Variants in PIGS observed in about 807,000 individuals in gnomAD.
The protein encoded by PIGS is GPI-anchor transamidase component PIGS.
A neutral mutation model predicts 58.2 loss-of-function variants in PIGS; 37 were observed. The ratio of observed to expected loss-of-function variants is 0.64; its 90% CI spans 0.49 to 0.84. PIGS has a LOEUF of 0.84. PIGS is among the 40% of genes least tolerant of loss of function. PIGS has a pLI of 0.00. For missense variants in PIGS, 629 were observed against 710.8 expected, an observed-to-expected ratio of 0.88 and a Z score of 1.31; for synonymous variants, 269 against 289.2, an observed-to-expected ratio of 0.93 and a Z score of 0.71.
chr17:28,563,600 A>AC (rs1182816526), intron 4 of PIGS, 78 bp from the exon 5 acceptor site: 1 of 1,377,174 alleles, frequency 7.3e-7, no homozygotes, highest in Non-Finnish European at 1.0e-6. Flanking sequence ...TGCCTAACCC[A>AC]CCCCTTCACT....
intron 3 of PIGS, among the ~76,000 whole-genome samples, chr17:28,569,024 G>C (rs946013140): frequency 6.6e-6 from 1 of 151,050 alleles, no homozygotes; most frequent in Non-Finnish European, 1.5e-5. Context: ...TTGAACCCAG[G>C]AGGCAGAGGT....
chr17:28,559,354 G>T (rs2151512481), intron 7 of PIGS, among the ~76,000 whole-genome samples: 1 of 151,974 alleles, frequency 6.6e-6, no homozygotes, highest in Middle Eastern at 3.4e-3. Flanking sequence ...GAATGGCTCT[G>T]CTGGGCTCCA....
At chr17:28,562,908 C>T (rs1052067274) in intron 5 of PIGS, among the ~76,000 whole-genome samples, 6 of 152,050 alleles carry the variant, frequency 3.9e-5, no homozygotes, top group African/African-American at 1.2e-4. Context: ...GCCATGTTGC[C>T]CAGGCTGGTC....
rs1455049116 is a variant in PIGS at position 28,553,449 on chromosome 17, C to A, written c.*771G>T. 1 of 152,616 alleles carries A rather than the reference C, an allele frequency of 6.6e-6. No individual in the cohort carries two copies. Among genetic ancestry groups the A allele is most frequent in the East Asian group, 1.9e-4 (1 of 5,206 alleles). The allele number at this position is 152,616 out of a possible 1,614,324, so 9.5% of individuals were successfully genotyped here. On this transcript the variant is annotated 3_prime_UTR_variant, in exon 12 of 12. Coordinates refer to ENST00000308360, the MANE Select transcript of PIGS (RefSeq NM_033198.4). ...AGCCTACTACACGCCAGACACTTTA[C>A]ATGCTGATCACATTTACTCCTCACA...
chr17:28,569,755 T>C (rs2070416286), intron 3 of PIGS, among the ~76,000 whole-genome samples: 1 of 152,234 alleles, frequency 6.6e-6, no homozygotes, highest in Non-Finnish European at 1.5e-5. Context: ...TCTTACTAGC[T>C]GTGTGACCTT....
chr17:28,565,170 CTA>C (rs113607865), intron 3 of PIGS, among the ~76,000 whole-genome samples: 3 of 152,130 alleles, frequency 2.0e-5, no homozygotes, highest in South Asian at 2.1e-4. Flanking sequence ...AATAAGATGA[CTA>C]GATACAAGGA....
Position 28,571,219 on chromosome 17 carries a change from G to A in PIGS, c.35-31C>T. On this transcript the variant is annotated intron_variant, in intron 1 of 11. Transcript: ENST00000308360. ...GGCATGGGGAACCGACTGAGGCGCT[G>A]GAAACGGGCTAGGGTACCGGCCCCA... is the stretch of plus-strand genomic sequence containing the variant. 3.1e-6 allele frequency: 5 copies of A among 1,605,942 alleles called. No individual in the cohort carries two copies. The South Asian group carries it at 4.4e-5, about 14-fold the overall frequency.
At chr17:28,559,211 G>A (rs968487029) in intron 7 of PIGS, among the ~76,000 whole-genome samples, 4 of 151,906 alleles carry the variant, frequency 2.6e-5, no homozygotes, top group Admixed American at 1.3e-4. Context: ...TCCTAACCTC[G>A]TGATCCGCCT....
At chr17:28,564,266 G>A (rs377554308) in intron 3 of PIGS, among the ~76,000 whole-genome samples, 79 of 152,282 alleles carry the variant, frequency 5.2e-4, no homozygotes, top group African/African-American at 1.8e-3. Context: ...GAATGTTCCT[G>A]ATAAAAAACA....
chr17:28,561,373 C>T, intron 6 of PIGS, 49 bp downstream of exon 6: 1 of 1,590,940 alleles, frequency 6.3e-7, no homozygotes, highest in Non-Finnish European at 8.6e-7. Context: ...CCTCCTGCCC[C>T]ATGTAATTCA....
rs192084811 is a variant in PIGS at position 28,554,759 on chromosome 17, A to G, written c.1392+92T>C. On this transcript the variant is annotated intron_variant, in intron 11 of 11. Coordinates refer to ENST00000308360, the MANE Select transcript of PIGS (RefSeq NM_033198.4). ...TAAAGATGGCAAGCCCACACATACC[A>G]TGGACCTCACAGGCTCTCTGGTCTC... is the stretch of plus-strand genomic sequence containing the variant. 21 of 1,510,084 alleles carry G rather than the reference A, an allele frequency of 1.4e-5. No homozygotes were observed. In the East Asian group the frequency reaches 4.7e-4, roughly 34 times the overall value. 93.5% of individuals were successfully genotyped at this position (1,510,084 alleles called of 1,614,324 possible). A position where few individuals can be genotyped will look rare whatever the true frequency, so the allele number is the denominator to read the frequency against.
chr17:28,557,492 C>T (rs1377053317), intron 8 of PIGS: 1 of 158,948 alleles, frequency 6.3e-6, no homozygotes, highest in Admixed American at 6.5e-5. Context: ...AGCTCTCTCA[C>T]TTGTCTGCAT....
intron 10 of PIGS, 30 bp downstream of exon 10, chr17:28,556,136 T>C (rs764756829): frequency 3.8e-6 from 6 of 1,566,688 alleles, no homozygotes; most frequent in Admixed American, 3.3e-5. Context: ...AAGGAGACTA[T>C]GTCCCCAAGT....
In PIGS at chr17:28,558,376, T is replaced by C. The variant is rs937345785; in HGVS notation, c.934+100A>G. 7 of 943,788 alleles carry C rather than the reference T, an allele frequency of 7.4e-6. No homozygotes were observed. The African/African-American group carries it at 1.2e-4, about 16-fold the overall frequency. 58.5% of individuals were successfully genotyped at this position (943,788 alleles called of 1,614,324 possible). A position where few individuals can be genotyped will look rare whatever the true frequency, so the allele number is the denominator to read the frequency against. On this transcript the variant is annotated intron_variant, in intron 8 of 11. Transcript: ENST00000308360. ...CAACCCAACCTGGGAACCATCACTG[T>C]ATATAATCCACCTCCAACTCCTGTC...
rs749166460 is a variant in PIGS at position 28,554,935 on chromosome 17, G to A, written c.1308C>T (p.Ala436=). Residue 436 remains alanine (A), a synonymous_variant, in exon 11 of 12, where the codon GCC becomes GCT. Coordinates refer to ENST00000308360, the MANE Select transcript of PIGS (RefSeq NM_033198.4). ...LLWARSVENL[A]TATTTLTSLA... ...GGGAGGTAAGGGTGGTGGTGGCTGTGGCCAGGTTCTCCACTGACCGAGCCC... is the reference window on the plus strand; with the variant it reads ...GGGAGGTAAGGGTGGTGGTGGCTGTAGCCAGGTTCTCCACTGACCGAGCCC... The A allele has an allele frequency of 2.5e-6, 4 of 1,613,822 alleles. No homozygotes were observed. Among genetic ancestry groups the A allele is most frequent in the South Asian group, 1.1e-5 (1 of 91,028 alleles).
rs2070324140 is a variant in PIGS at position 28,555,927 on chromosome 17, C to T, written c.1181+239G>A. 1.5e-5 allele frequency: 6 copies of T among 412,152 alleles called. No individual in the cohort carries two copies. In the South Asian group the frequency reaches 1.7e-4, roughly 11 times the overall value. The allele number at this position is 412,152 out of a possible 1,614,324, so 25.5% of individuals were successfully genotyped here. On this transcript the variant is annotated intron_variant, in intron 10 of 11. Transcript: ENST00000308360. ...GAGGTTGCAGTGAGCCAAAATGGCA[C>T]CACTGCACTCCGGCCTGGGCAACAG...
At chr17:28,561,937 C>G (rs181619274) in intron 5 of PIGS, 219 of 301,246 alleles carry the variant, frequency 7.3e-4, no homozygotes, top group African/African-American at 4.6e-3. Flanking sequence ...GCGGAATAAA[C>G]AGACAACTGG....
rs2070306112 is a variant in PIGS at position 28,553,807 on chromosome 17, AG to A, written c.*412del. 5.3e-6 allele frequency: 1 copy of A among 189,788 alleles called. No homozygotes were observed. Among genetic ancestry groups the A allele is most frequent in the African/African-American group, 2.4e-5 (1 of 42,108 alleles). 11.8% of individuals were successfully genotyped at this position (189,788 alleles called of 1,614,324 possible). On this transcript the variant is annotated 3_prime_UTR_variant, in exon 12 of 12. Transcript: ENST00000308360. Reference sequence around the variant, plus strand: ...CAATGCCTGGCCCCTTCATGACAGCAGGGGCTAGGGCTGTCCCACAGGGACT... The same window carrying A: ...CAATGCCTGGCCCCTTCATGACAGCAGGGCTAGGGCTGTCCCACAGGGACT...
At chr17:28,558,656 T>C (rs1020231305) in intron 7 of PIGS, 66 bp from the exon 8 acceptor site, 10 of 1,296,834 alleles carry the variant, frequency 7.7e-6, no homozygotes, top group Non-Finnish European at 1.1e-5. Flanking sequence ...CAAAAAAGAT[T>C]TGAGGTGCCT....
Sources: gnomAD v4.1 joint callset for allele counts (sites outside exome capture counted in the v4.1 genomes callset) on GRCh38, gnomAD v4.1.1 for gene constraint, MANE v1.5 for transcripts, NCBI Gene and HGNC (gene_info 2026-07-23, HGNC 2026-07-21) for gene names.